Variants in CALD1 observed in about 807,000 individuals in gnomAD.
CALD1 encodes the protein caldesmon.
CALD1 carries 33 observed loss-of-function variants against 99.9 expected under a neutral mutation model. The ratio of observed to expected loss-of-function variants is 0.33; its 90% CI spans 0.25 to 0.44. The LOEUF is 0.44. Ranked by LOEUF, CALD1 falls within the 20% of genes least tolerant of loss-of-function variation. CALD1 has a pLI of 1.00. For synonymous variants in CALD1, 310 were observed against 325.0 expected, an observed-to-expected ratio of 0.95 and a Z score of 0.50; for missense variants, 861 against 962.1, an observed-to-expected ratio of 0.89 and a Z score of 1.39.
intron 3 of CALD1, among the ~76,000 whole-genome samples, chr7:134,882,253 G>A (rs1465848801): frequency 6.6e-6 from 1 of 152,170 alleles, no homozygotes; most frequent in African/African-American, 2.4e-5. Flanking sequence ...TGCCTCTCCT[G>A]GGGTTTCATC....
chr7:134,847,898 T>G (rs4728339), intron 2 of CALD1, among the ~76,000 whole-genome samples: 13,216 of 152,252 alleles, frequency 0.087, 719 homozygotes, highest in African/African-American at 0.14. Context: ...AGAATGATTG[T>G]GCTATTTAGC....
intron 3 of CALD1, among the ~76,000 whole-genome samples, chr7:134,925,588 G>A (rs1804942786): frequency 6.6e-6 from 1 of 152,154 alleles, no homozygotes; most frequent in Non-Finnish European, 1.5e-5. Context: ...CAAAGCAGCA[G>A]AAGAGAGAAG....
intron 3 of CALD1, among the ~76,000 whole-genome samples, chr7:134,871,156 T>G (rs1408517272): frequency 1.3e-5 from 2 of 152,196 alleles, no homozygotes; most frequent in Non-Finnish European, 1.5e-5. Flanking sequence ...TTTTCTCGCT[T>G]TTGGTATTAT....
chr7:134,906,571 C>T (rs369610799), intron 3 of CALD1, among the ~76,000 whole-genome samples: 1 of 152,366 alleles, frequency 6.6e-6, no homozygotes, highest in African/African-American at 2.4e-5. Context: ...GTTTGACTCA[C>T]TTATTCCAAG....
At chr7:134,751,760 G>A (rs1458851409) in intron 1 of CALD1, among the ~76,000 whole-genome samples, 2 of 152,104 alleles carry the variant, frequency 1.3e-5, no homozygotes, top group Non-Finnish European at 2.9e-5. Context: ...TGAATCGCTT[G>A]AGCTCAGGAG....
chr7:134,918,134 A>G (rs1804351913), intron 3 of CALD1, among the ~76,000 whole-genome samples: 1 of 152,362 alleles, frequency 6.6e-6, no homozygotes, highest in Admixed American at 6.5e-5. Context: ...TCCAAAATCC[A>G]TATTTACTGG....
At chr7:134,963,224 T>G (rs1393989142) in intron 13 of CALD1, among the ~76,000 whole-genome samples, 1 of 152,208 alleles carries the variant, frequency 6.6e-6, no homozygotes, top group East Asian at 1.9e-4. Flanking sequence ...TCCAGACAGT[T>G]TGGCAGCTTC....
the CALD1 span, among the ~76,000 whole-genome samples, chr7:134,734,624 G>T: frequency 6.6e-6 from 1 of 152,072 alleles, no homozygotes; most frequent in East Asian, 1.9e-4. Context: ...ATGGGGGTGG[G>T]CCTTTTGTTT....
chr7:134,870,082 T>C (rs781483350), intron 3 of CALD1, among the ~76,000 whole-genome samples: 1 of 152,226 alleles, frequency 6.6e-6, no homozygotes, highest in Non-Finnish European at 1.5e-5. Flanking sequence ...CAACTATTTA[T>C]TAAGCACTAA....
chr7:134,797,015 AT>A (rs71669098), intron 1 of CALD1, among the ~76,000 whole-genome samples: 162 of 150,078 alleles, frequency 1.1e-3, no homozygotes, highest in African/African-American at 3.1e-3. Flanking sequence ...TGTAGTAAGA[AT>A]TTTTTTTTTC....
intron 1 of CALD1, among the ~76,000 whole-genome samples, chr7:134,820,958 G>C (rs879573628): frequency 6.6e-6 from 1 of 151,604 alleles, no homozygotes; most frequent in Non-Finnish European, 1.5e-5. Flanking sequence ...GAAGGAGAGG[G>C]GAGGAGAAAA....
At position 134,763,945 on chromosome 7, in the gene CALD1, C is replaced by T. The variant is rs186644798; in HGVS notation, c.-130+19582C>T. Among the ~76,000 whole-genome samples, 5 of 151,884 alleles carry T rather than the reference C, an allele frequency of 3.3e-5. No homozygotes were observed. The East Asian group carries it at 9.7e-4, about 29-fold the overall frequency. On this transcript the variant is annotated intron_variant, in intron 1 of 13. Transcript: ENST00000417172. ...AAAAAAAAAAAAAAAAAAGTATTTC[C>T]CACTTTAACTTAGCTAATTGGCATT...
intron 2 of CALD1, among the ~76,000 whole-genome samples, chr7:134,852,304 T>G (rs1800115689): frequency 6.7e-6 from 1 of 150,262 alleles, no homozygotes; most frequent in East Asian, 2.0e-4. Context: ...GAGGCAGAAA[T>G]GAGGGTGAAA....
At chr7:134,874,173 CT>C (rs1412986957) in intron 3 of CALD1, among the ~76,000 whole-genome samples, 1 of 151,684 alleles carries the variant, frequency 6.6e-6, no homozygotes, top group Non-Finnish European at 1.5e-5. Flanking sequence ...TTCTTTTTTT[CT>C]TTTTTTCTTT....
chr7:134,823,647 T>C (rs1202178059), intron 1 of CALD1, among the ~76,000 whole-genome samples: 1 of 152,206 alleles, frequency 6.6e-6, no homozygotes, highest in Non-Finnish European at 1.5e-5. Context: ...AAAGTTACAT[T>C]TCTTCAAGAA....
At chr7:134,868,482 C>A (rs559409961) in intron 3 of CALD1, among the ~76,000 whole-genome samples, 6 of 152,020 alleles carry the variant, frequency 3.9e-5, no homozygotes, top group African/African-American at 1.4e-4. Flanking sequence ...GTATTTGATG[C>A]GACTTAAATC....
chr7:134,969,036 A>T lies in CALD1; in HGVS notation c.*691A>T, dbSNP rs1808874260. 1 of 164,600 alleles carries T rather than the reference A, an allele frequency of 6.1e-6. No homozygotes were observed. Among genetic ancestry groups the T allele is most frequent in the Non-Finnish European group, 1.4e-5 (1 of 73,742 alleles). 10.2% of individuals were successfully genotyped at this position (164,600 alleles called of 1,614,324 possible). A position where few individuals can be genotyped will look rare whatever the true frequency, so the allele number is the denominator to read the frequency against. On this transcript the variant is annotated 3_prime_UTR_variant, in exon 15 of 15. Coordinates refer to ENST00000361675, the MANE Select transcript of CALD1 (RefSeq NM_033138.4). ...CACATTTTAGATAACTCAATTATGT[A>T]TGTATGTGCATACACATATACAAAC... is the stretch of plus-strand genomic sequence containing the variant.
intron 1 of CALD1, among the ~76,000 whole-genome samples, chr7:134,780,132 T>C (rs1284506958): frequency 6.6e-6 from 1 of 152,238 alleles, no homozygotes; most frequent in African/African-American, 2.4e-5. Context: ...CTGCATCTTT[T>C]ATTGCCAAAG....
At chr7:134,904,260 T>TA (rs1389186519) in intron 3 of CALD1, among the ~76,000 whole-genome samples, 1 of 151,178 alleles carries the variant, frequency 6.6e-6, no homozygotes, top group East Asian at 1.9e-4. Context: ...ATAAAAGCAA[T>TA]AAGTGGGATA....
Sources: allele counts gnomAD v4.1 joint callset (sites outside exome capture counted in the v4.1 genomes callset), GRCh38; gene constraint gnomAD v4.1.1; transcripts MANE v1.5; gene names NCBI Gene and HGNC (gene_info 2026-07-23, HGNC 2026-07-21).